Variants in SGMS1 observed in about 807,000 individuals in gnomAD.
SGMS1 encodes the protein sphingomyelin synthase 1, also known as phosphatidylcholine:ceramide cholinephosphotransferase 1.
A neutral mutation model predicts 46.2 loss-of-function variants in SGMS1; 13 were observed. The observed-to-expected ratio is 0.28, with a 90% CI of 0.18 to 0.45. The LOEUF (loss-of-function observed/expected upper bound fraction) is 0.45, where lower values mean the gene tolerates loss of function less well. Ranked by LOEUF, SGMS1 falls within the 20% of genes least tolerant of loss-of-function variation. SGMS1 has a pLI of 1.00. For synonymous variants in SGMS1, 203 were observed against 187.8 expected (o/e 1.08, Z -0.66); for missense variants, 324 against 519.9 (o/e 0.62, Z 3.66).
At chr10:50,496,784 T>A (rs1837618861) in intron 3 of SGMS1, among the ~76,000 whole-genome samples, 1 of 152,224 alleles carries the variant, frequency 6.6e-6, no homozygotes, top group African/African-American at 2.4e-5. Flanking sequence ...TTAGGCAAAC[T>A]GCTTAGCCTC....
At chr10:50,359,148 A>G (rs1266722444) in intron 6 of SGMS1, among the ~76,000 whole-genome samples, 1 of 152,216 alleles carries the variant, frequency 6.6e-6, no homozygotes, top group Non-Finnish European at 1.5e-5. Flanking sequence ...AGATACAAGA[A>G]GAAGGGCTTG....
At chr10:50,553,506 C>A (rs2024873) in intron 2 of SGMS1, among the ~76,000 whole-genome samples, 62,907 of 122,604 alleles carry the variant, frequency 0.51, 13,766 homozygotes, top group East Asian at 0.79. Context: ...ATTTTTAAGA[C>A]AAAAAAATCT....
At chr10:50,547,529 T>A (rs1401592769) in intron 2 of SGMS1, among the ~76,000 whole-genome samples, 1 of 152,136 alleles carries the variant, frequency 6.6e-6, no homozygotes, top group Non-Finnish European at 1.5e-5. Context: ...AATAATGAGT[T>A]CTGAAATTGA....
At chr10:50,586,221 G>C (rs1296130537) in intron 2 of SGMS1, among the ~76,000 whole-genome samples, 1 of 152,180 alleles carries the variant, frequency 6.6e-6, no homozygotes, top group East Asian at 1.9e-4. Flanking sequence ...TTTGGAAAAT[G>C]GTGGACTTGC....
At chr10:50,313,373 T>TA (rs1303777648) in intron 8 of SGMS1, among the ~76,000 whole-genome samples, 1 of 151,990 alleles carries the variant, frequency 6.6e-6, no homozygotes, top group African/African-American at 2.4e-5. Flanking sequence ...GTAAACACAT[T>TA]AAAAAATCTA....
rs1342858486 is a variant in SGMS1, at chr10:50,476,322, A to AGGAGG, written c.-497-9395_-497-9391dup. Among the ~76,000 whole-genome samples the AGGAGG allele has an allele frequency of 9.9e-5, 3 of 30,372 alleles. No individual in the cohort carries two copies. In the Admixed American group the frequency reaches 1.5e-3, roughly 15 times the overall value. The allele number at this position is 30,372 out of a possible 152,430, so 19.9% of individuals were successfully genotyped here. Reference sequence around the variant, plus strand: ...GAGGGGAGGGGAGGGGGAGGGAGAGAGGAGGGGAGGGGAGGGAAGGGAAGG... The same window carrying AGGAGG: ...GAGGGGAGGGGAGGGGGAGGGAGAGAGGAGGGGAGGGGAGGGGAGGGAAGGGAAGG... On this transcript the variant is annotated intron_variant, in intron 3 of 10. Coordinates refer to ENST00000361781, the MANE Select transcript of SGMS1 (RefSeq NM_147156.4).
intron 6 of SGMS1, among the ~76,000 whole-genome samples, chr10:50,407,919 T>A (rs528300848): frequency 6.6e-6 from 1 of 152,212 alleles, no homozygotes; most frequent in African/African-American, 2.4e-5. Flanking sequence ...TGAATCATTT[T>A]CCCTAAATTT....
intron 1 of SGMS1, among the ~76,000 whole-genome samples, chr10:50,614,652 G>C (rs1166106671): frequency 6.6e-6 from 1 of 152,224 alleles, no homozygotes; most frequent in Admixed American, 6.5e-5. Context: ...GAGTGATTCT[G>C]ATACACGCTG....
intron 6 of SGMS1, among the ~76,000 whole-genome samples, chr10:50,367,716 C>T (rs1316312937): frequency 1.3e-5 from 2 of 152,162 alleles, no homozygotes; most frequent in South Asian, 2.1e-4. Flanking sequence ...ACATCCTTTC[C>T]ACTCACCGCT....
intron 7 of SGMS1, among the ~76,000 whole-genome samples, chr10:50,333,172 A>G (rs1408679719): frequency 1.3e-5 from 2 of 151,674 alleles, no homozygotes; most frequent in African/African-American, 2.4e-5. Context: ...CTCACGTCTC[A>G]CCCCTTTTGT....
intron 3 of SGMS1, among the ~76,000 whole-genome samples, chr10:50,481,178 G>A (rs1290125388): frequency 1.3e-5 from 2 of 152,238 alleles, no homozygotes; most frequent in African/African-American, 4.8e-5. Context: ...ACTTCGCCAA[G>A]AGGCAGCCAG....
At chr10:50,611,132 G>A (rs988986957) in intron 1 of SGMS1, among the ~76,000 whole-genome samples, 24 of 152,202 alleles carry the variant, frequency 1.6e-4, no homozygotes, top group African/African-American at 5.8e-4. Flanking sequence ...TACAGATAGT[G>A]CCTGTGCAAT....
rs1564438185 is a variant in SGMS1, at chr10:50,585,446, AGT to A, written c.-589+4705_-589+4706del. ...GCAAAAAATCAAATTATGTAGGGTA[AGT>A]GTTTATCAAGTTTATAAAATTAATA... On this transcript the variant is annotated intron_variant, in intron 2 of 10. Transcript: ENST00000361781. Among the ~76,000 whole-genome samples the A allele has an allele frequency of 3.3e-5, 5 of 152,250 alleles. No individual in the cohort carries two copies. The South Asian group carries it at 1.0e-3, about 32-fold the overall frequency.
At chr10:50,615,679 C>T (rs1838790017) in intron 1 of SGMS1, among the ~76,000 whole-genome samples, 1 of 152,190 alleles carries the variant, frequency 6.6e-6, no homozygotes, top group South Asian at 2.1e-4. Context: ...GGCACAATAT[C>T]CACTGTCATG....
intron 5 of SGMS1, among the ~76,000 whole-genome samples, chr10:50,441,378 T>C (rs773353394): frequency 4.6e-5 from 7 of 152,210 alleles, no homozygotes; most frequent in African/African-American, 7.2e-5. Flanking sequence ...CAAATTCCTA[T>C]TGGTATATCC....
Position 50,588,716 on chromosome 10 carries a change from A to T in SGMS1, c.-589+1437T>A, listed in dbSNP as rs1392060507. Among the ~76,000 whole-genome samples the T allele has an allele frequency of 3.5e-5, 5 of 141,664 alleles. No individual in the cohort carries two copies. In the East Asian group the frequency reaches 1.1e-3, roughly 30 times the overall value. The allele number at this position is 141,664 out of a possible 152,430, so 92.9% of individuals were successfully genotyped here. A position where few individuals can be genotyped will look rare whatever the true frequency, so the allele number is the denominator to read the frequency against. On this transcript the variant is annotated intron_variant, in intron 2 of 10. Transcript: ENST00000361781. ...TGATCACATCAGAGCACAGAGACTGATCTAATTTTTTTTTTTTTTTTTTTT... is the reference window on the plus strand; with the variant it reads ...TGATCACATCAGAGCACAGAGACTGTTCTAATTTTTTTTTTTTTTTTTTTT...
In SGMS1 at chr10:50,440,838, T is replaced by C. The variant is rs1849536848; in HGVS notation, c.-312-7282A>G. ...GTTGCTTATGCTGGTCTCAAACTCC[T>C]GGCTTCAAGCAATCCTCCTGCCTGG... is the stretch of plus-strand genomic sequence containing the variant. On this transcript the variant is annotated intron_variant, in intron 5 of 10. Transcript: ENST00000361781. Among the ~76,000 whole-genome samples, 21 of 152,308 alleles carry C rather than the reference T, an allele frequency of 1.4e-4. No homozygotes were observed. The South Asian group carries it at 4.1e-3, about 30-fold the overall frequency.
At chr10:50,412,221 A>G (rs10508929) in intron 6 of SGMS1, among the ~76,000 whole-genome samples, 43,796 of 152,074 alleles carry the variant, frequency 0.29, 6,880 homozygotes, top group Middle Eastern at 0.39. Flanking sequence ...ACACAATTCA[A>G]TGCAATAGGG....
At chr10:50,535,617 C>T (rs1480719130) in intron 2 of SGMS1, among the ~76,000 whole-genome samples, 14 of 152,188 alleles carry the variant, frequency 9.2e-5, no homozygotes, top group Admixed American at 7.9e-4. Flanking sequence ...ATCCACCCGC[C>T]TCGGCCTCCC....
Sources: gnomAD v4.1 joint callset for allele counts (sites outside exome capture counted in the v4.1 genomes callset) on GRCh38, gnomAD v4.1.1 for gene constraint, MANE v1.5 for transcripts, NCBI Gene and HGNC (gene_info 2026-07-23, HGNC 2026-07-21) for gene names.